The following UQCRC2 variants were observed in gnomAD, a reference collection of about 807,000 sequenced individuals.
UQCRC2 encodes cytochrome b-c1 complex subunit 2, mitochondrial.
A neutral mutation model predicts 55.6 loss-of-function variants in UQCRC2; 49 were observed. The ratio of observed to expected loss-of-function variants is 0.88; its 90% CI spans 0.70 to 1.12. UQCRC2 has a LOEUF of 1.12. Among genes scored for constraint, UQCRC2 ranks in the 50% most tolerant of loss-of-function variants. The pLI is 0.00. For synonymous variants in UQCRC2, 193 were observed against 192.0 expected, an observed-to-expected ratio of 1.01 and a Z score of -0.04; for missense variants, 506 against 547.8, an observed-to-expected ratio of 0.92 and a Z score of 0.76.
chr16:21,966,629 A>G (rs1251340771), intron 7 of UQCRC2, among the ~76,000 whole-genome samples: 1 of 152,214 alleles, frequency 6.6e-6, no homozygotes, highest in African/African-American at 2.4e-5. Flanking sequence ...TTATCAATTA[A>G]CAGTTTGATG....
chr16:21,954,028 CCTT>C (rs1288491455), intron 1 of UQCRC2, among the ~76,000 whole-genome samples: 3 of 152,092 alleles, frequency 2.0e-5, no homozygotes, highest in African/African-American at 7.2e-5. Context: ...CTCAAAAGCT[CCTT>C]AATTAAGTTT....
intron 7 of UQCRC2, 167 bp from the exon 8 acceptor site, chr16:21,968,461 T>TA: frequency 2.1e-6 from 1 of 481,080 alleles, no homozygotes; most frequent in Non-Finnish European, 3.6e-6. Context: ...CAATAGTTTT[T>TA]ATAATAAAAT....
rs765156352 is a variant in UQCRC2 at position 21,968,640 on chromosome 16, G to A, written c.625G>A (p.Val209Ile). The change falls in exon 8 of 14, where the codon GTT (valine) becomes ATT (isoleucine). Residue 209 changes from valine to isoleucine, a missense_variant. Val to Ile is a conservative substitution (Grantham distance 29). Transcript: ENST00000268379. Reference protein sequence around the residue: ...KVTSEELHYFVQNHFTSARMA... With the variant: ...KVTSEELHYFIQNHFTSARMA... ...TTAACTTCCTCAGTTACATTACTTC[G>A]TTCAGAACCATTTCACAAGTGCAAG... is the stretch of plus-strand genomic sequence containing the variant. The A allele has an allele frequency of 7.5e-6, 12 of 1,606,898 alleles. No homozygotes were observed. The highest frequency in any genetic ancestry group is 1.7e-4 in the Middle Eastern group (1 of 5,994).
intron 4 of UQCRC2, chr16:21,961,376 A>G: frequency 4.6e-6 from 2 of 433,208 alleles, no homozygotes; most frequent in Non-Finnish European, 9.4e-6. Context: ...CTATACAGCC[A>G]TTACGGAATG....
At chr16:21,964,361 T>A (rs1255299139) in intron 6 of UQCRC2, among the ~76,000 whole-genome samples, 3 of 152,150 alleles carry the variant, frequency 2.0e-5, no homozygotes, top group Non-Finnish European at 2.9e-5. Context: ...CAGGTTTACG[T>A]CTTGAGTCCA....
rs555042598 is a variant in UQCRC2 at position 21,974,537 on chromosome 16, A to T, written c.1047+561A>T. ...CACTGAGAAGTCTGGTAGTTTCAGC[A>T]AGCTAGGACATCATGGGTGATCTTA... On this transcript the variant is annotated intron_variant, in intron 11 of 13. Coordinates refer to ENST00000268379, the MANE Select transcript of UQCRC2 (RefSeq NM_003366.4). Among the ~76,000 whole-genome samples the T allele has an allele frequency of 2.6e-5, 4 of 152,354 alleles. No homozygotes were observed. The South Asian group carries it at 6.2e-4, about 24-fold the overall frequency.
At position 21,980,547 on chromosome 16, in the gene UQCRC2, G is replaced by C. The variant is rs769137921; in HGVS notation, c.1125G>C (p.Lys375Asn). ...CTGACTTCTGCCTTTTATTGGACAG[G>C]AACAAGCTGAAAGCTGGATACCTAA... Reference protein sequence around the residue: ...NLSNTDVQAAKNKLKAGYLMS... With the variant: ...NLSNTDVQAANNKLKAGYLMS... The change falls in exon 13 of 14, where the codon AAG (lysine) becomes AAC (asparagine). Residue 375 changes from lysine to asparagine, a missense_variant and splice_region_variant. By Grantham distance (94) the Lys-to-Asn change is moderately conservative (BLOSUM62 0). Coordinates refer to ENST00000268379, the MANE Select transcript of UQCRC2 (RefSeq NM_003366.4). 1 of 1,613,384 alleles carries C rather than the reference G, an allele frequency of 6.2e-7. No homozygotes were observed. The highest frequency in any genetic ancestry group is 1.1e-5 in the South Asian group (1 of 90,894).
chr16:21,959,302 C>A, intron 4 of UQCRC2: 2 of 197,984 alleles, frequency 1.0e-5, no homozygotes, highest in South Asian at 6.7e-5. Context: ...TTTTATCAAC[C>A]AAGATTATGT....
chr16:21,977,265 G>C (rs1213355962), intron 12 of UQCRC2, among the ~76,000 whole-genome samples: 1 of 151,932 alleles, frequency 6.6e-6, no homozygotes, highest in Non-Finnish European at 1.5e-5. Context: ...GAAGAGGGGG[G>C]ATTGCTTGAG....
chr16:21,955,745 TGG>T (rs1270229231), intron 1 of UQCRC2, among the ~76,000 whole-genome samples: 1 of 152,208 alleles, frequency 6.6e-6, no homozygotes, highest in African/African-American at 2.4e-5. Context: ...TTTGGTTGTG[TGG>T]TCTTAATACA....
intron 13 of UQCRC2, among the ~76,000 whole-genome samples, chr16:21,982,698 C>G (rs116078015): frequency 6.6e-6 from 1 of 152,284 alleles, no homozygotes; most frequent in African/African-American, 2.4e-5. Flanking sequence ...AGGTTGGTGG[C>G]TCACGCCTGT....
intron 8 of UQCRC2, among the ~76,000 whole-genome samples, chr16:21,969,688 T>A (rs1898412435): frequency 6.6e-6 from 1 of 152,142 alleles, no homozygotes; most frequent in African/African-American, 2.4e-5. Flanking sequence ...TAAGATATAA[T>A]TTACATGCTA....
In UQCRC2 at chr16:21,962,877, C is replaced by T. The variant is rs1158265207; in HGVS notation, c.506C>T (p.Pro169Leu). The T allele has an allele frequency of 3.7e-6, 6 of 1,614,028 alleles. No homozygotes were observed. In the East Asian group the frequency reaches 6.7e-5, roughly 18 times the overall value. Reference sequence around the variant, plus strand: ...GACAAAGCTGTGGCCTTTCAGAATCCGCAGACTCGTAAGTACATTTCCAGA... The same window carrying T: ...GACAAAGCTGTGGCCTTTCAGAATCTGCAGACTCGTAAGTACATTTCCAGA... ...KIDKAVAFQNPQTHVIENLHA... is the reference protein window; with the variant it reads ...KIDKAVAFQNLQTHVIENLHA... The change falls in exon 6 of 14, where the codon CCG (proline) becomes CTG (leucine). Residue 169 changes from proline to leucine, a missense_variant. Transcript: ENST00000268379.
At chr16:21,970,064 G>A (rs539527318) in intron 8 of UQCRC2, among the ~76,000 whole-genome samples, 1 of 151,984 alleles carries the variant, frequency 6.6e-6, no homozygotes, top group African/African-American at 2.4e-5. Flanking sequence ...GGAGTCATAC[G>A]ATATGTGGCC....
chr16:21,973,384 A>T (rs1319678652), intron 10 of UQCRC2, among the ~76,000 whole-genome samples: 1 of 152,200 alleles, frequency 6.6e-6, no homozygotes, highest in Non-Finnish European at 1.5e-5. Context: ...CTCTGCTCAA[A>T]CTAGATAACA....
At position 21,957,453 on chromosome 16, in the gene UQCRC2, T is replaced by G. The variant is rs1451532107; in HGVS notation, c.154T>G (p.Leu52Val). The G allele has an allele frequency of 6.2e-7, 1 of 1,614,162 alleles. No homozygotes were observed. The change falls in exon 3 of 14, where the codon TTG (leucine) becomes GTG (valine). Residue 52 changes from leucine to valine, a missense_variant. Physicochemically the swap from Leu to Val is conservative, Grantham distance 32 (BLOSUM62 1). Transcript: ENST00000268379. ...ACCAAATGGCTTGGTGATTGCTTCTTTGGAAAACTATTCTCCTGTATCAAG... is the reference window on the plus strand; with the variant it reads ...ACCAAATGGCTTGGTGATTGCTTCTGTGGAAAACTATTCTCCTGTATCAAG... ...KLPNGLVIASLENYSPVSRIG... is the reference protein window; with the variant it reads ...KLPNGLVIASVENYSPVSRIG...
At chr16:21,957,356 G>A in intron 2 of UQCRC2, 38 bp downstream of exon 2, 1 of 1,613,830 alleles carries the variant, frequency 6.2e-7, no homozygotes, top group South Asian at 1.1e-5. Flanking sequence ...AGCTATACAT[G>A]CCTTACTCTC....
Position 21,957,251 on chromosome 16 carries a change from A to C in UQCRC2, c.50A>C (p.Lys17Thr). The change falls in exon 2 of 14, where the codon AAA becomes ACA. Residue 17 changes from lysine to threonine, a missense_variant. By Grantham distance (78) the Lys-to-Thr change is moderately conservative (BLOSUM62 -1). Coordinates refer to ENST00000268379, the MANE Select transcript of UQCRC2 (RefSeq NM_003366.4). ...TATGTTTAGAGATTTTATTCCCTCAAAGTTGCCCCCAAAGTTAAAGCCACA... is the reference window on the plus strand; with the variant it reads ...TATGTTTAGAGATTTTATTCCCTCACAGTTGCCCCCAAAGTTAAAGCCACA... ...AGSFSRFYSL[K>T]VAPKVKATAA... is the part of the protein sequence containing the mutation. The C allele has an allele frequency of 1.2e-6, 2 of 1,613,762 alleles. No homozygotes were observed. The highest frequency in any genetic ancestry group is 2.2e-5 in the South Asian group (2 of 91,072).
chr16:21,964,017 G>A (rs151253074), intron 6 of UQCRC2, among the ~76,000 whole-genome samples: 12 of 152,074 alleles, frequency 7.9e-5, no homozygotes, highest in African/African-American at 2.7e-4. Flanking sequence ...AGCAAGCGCC[G>A]CTGACTCTTG....
Sources: gnomAD v4.1 joint callset for allele counts (sites outside exome capture counted in the v4.1 genomes callset) on GRCh38, gnomAD v4.1.1 for gene constraint, MANE v1.5 for transcripts, NCBI Gene and HGNC (gene_info 2026-07-23, HGNC 2026-07-21) for gene names.